The following GALNTL6 variants were observed in gnomAD, a reference collection of about 807,000 sequenced individuals.
The protein encoded by GALNTL6 is polypeptide N-acetylgalactosaminyltransferase like 6.
A neutral mutation model predicts 73.7 loss-of-function variants in GALNTL6; 46 were observed. The observed-to-expected ratio is 0.62, with a 90% CI of 0.49 to 0.80. GALNTL6 has a LOEUF of 0.80. GALNTL6 is among the 30% of genes least tolerant of loss of function. GALNTL6 has a pLI of 0.00. For missense variants in GALNTL6, 604 were observed against 755.0 expected, an observed-to-expected ratio of 0.80 and a Z score of 2.34; for synonymous variants, 259 against 263.7, an observed-to-expected ratio of 0.98 and a Z score of 0.17.
intron 5 of GALNTL6, among the ~76,000 whole-genome samples, chr4:172,549,055 G>C (rs745410563): frequency 1.3e-5 from 2 of 152,022 alleles, no homozygotes; most frequent in South Asian, 2.1e-4. Context: ...TTTTCCCTTT[G>C]AGATGTATAG....
rs538197284 is a variant in GALNTL6, at chr4:172,936,942, G to A, written c.1149+5674G>A. Among the ~76,000 whole-genome samples the A allele has an allele frequency of 2.6e-5, 4 of 152,238 alleles. No individual in the cohort carries two copies. The South Asian group carries it at 6.2e-4, about 24-fold the overall frequency. On this transcript the variant is annotated intron_variant, in intron 9 of 12. Transcript: ENST00000506823. ...TCTATGAACCGAGGTCTGTCTGGTC[G>A]AGGTTCATGCTCCTCACCATAATGT...
intron 2 of GALNTL6, among the ~76,000 whole-genome samples, chr4:171,933,926 A>T (rs1414189277): frequency 1.3e-5 from 2 of 152,132 alleles, no homozygotes; most frequent in Admixed American, 6.6e-5. Context: ...TTATTTATAG[A>T]CTATAGTTTT....
intron 5 of GALNTL6, among the ~76,000 whole-genome samples, chr4:172,715,545 C>T (rs1425431471): frequency 6.6e-6 from 1 of 152,198 alleles, no homozygotes; most frequent in Non-Finnish European, 1.5e-5. Context: ...ATTCTTATCA[C>T]TGCTAGTATT....
chr4:172,438,946 C>G (rs1360539640), intron 5 of GALNTL6, among the ~76,000 whole-genome samples: 1 of 152,050 alleles, frequency 6.6e-6, no homozygotes, highest in Non-Finnish European at 1.5e-5. Flanking sequence ...TACTTCTTTT[C>G]TATGCCTATG....
chr4:172,714,002 A>C (rs1734892033), intron 5 of GALNTL6, among the ~76,000 whole-genome samples: 1 of 152,106 alleles, frequency 6.6e-6, no homozygotes, highest in Non-Finnish European at 1.5e-5. Context: ...GGATCACTTG[A>C]GGTCAGGAGT....
chr4:172,646,761 G>C (rs1015615561), intron 5 of GALNTL6, among the ~76,000 whole-genome samples: 5 of 151,890 alleles, frequency 3.3e-5, no homozygotes, highest in African/African-American at 1.2e-4. Context: ...TTCAAGTAAA[G>C]CTGTGAAATA....
intron 4 of GALNTL6, among the ~76,000 whole-genome samples, chr4:172,333,567 T>C (rs1298280210): frequency 6.6e-6 from 1 of 152,228 alleles, no homozygotes; most frequent in African/African-American, 2.4e-5. Flanking sequence ...GCAAATAATT[T>C]CTCCCATTAA....
chr4:172,211,025 C>T (rs1225305895), intron 2 of GALNTL6, among the ~76,000 whole-genome samples: 3 of 152,094 alleles, frequency 2.0e-5, no homozygotes, highest in African/African-American at 7.2e-5. Flanking sequence ...TTTCAGTTGG[C>T]TCTTGTGTTT....
intron 5 of GALNTL6, among the ~76,000 whole-genome samples, chr4:172,627,622 T>G (rs1384934536): frequency 2.0e-5 from 3 of 151,930 alleles, no homozygotes; most frequent in African/African-American, 7.2e-5. Flanking sequence ...ATCCATCTGG[T>G]CAGGAGCTTT....
chr4:172,335,019 C>T (rs1322416105), intron 4 of GALNTL6, among the ~76,000 whole-genome samples: 3 of 147,978 alleles, frequency 2.0e-5, no homozygotes, highest in South Asian at 2.1e-4. Flanking sequence ...CTCGCTCTGT[C>T]GCCCAGGCTG....
chr4:172,288,198 C>T (rs28635775), intron 3 of GALNTL6, among the ~76,000 whole-genome samples: 36,500 of 151,414 alleles, frequency 0.24, 6,070 homozygotes, highest in African/African-American at 0.47. Flanking sequence ...TCAAGCCATT[C>T]TTCCGCCTCA....
chr4:172,171,774 G>A (rs951932202), intron 2 of GALNTL6, among the ~76,000 whole-genome samples: 3 of 152,062 alleles, frequency 2.0e-5, no homozygotes, highest in African/African-American at 7.2e-5. Flanking sequence ...GCAGTGAGCC[G>A]AGGTTACACC....
intron 5 of GALNTL6, among the ~76,000 whole-genome samples, chr4:172,354,684 T>C (rs1273918330): frequency 6.6e-6 from 1 of 152,154 alleles, no homozygotes; most frequent in African/African-American, 2.4e-5. Context: ...TCGTAAAAGA[T>C]GGATATTACC....
intron 5 of GALNTL6, among the ~76,000 whole-genome samples, chr4:172,393,618 G>A (rs1428084062): frequency 2.0e-5 from 3 of 152,176 alleles, no homozygotes; most frequent in East Asian, 1.9e-4. Context: ...CATAGCATAC[G>A]AAAATATTTT....
chr4:172,731,081 A>T (rs1455155177), intron 5 of GALNTL6, among the ~76,000 whole-genome samples: 1 of 59,586 alleles, frequency 1.7e-5, no homozygotes, highest in Non-Finnish European at 3.5e-5. Context: ...CTCCATCTCC[A>T]AAAAAAAAAA....
intron 2 of GALNTL6, among the ~76,000 whole-genome samples, chr4:172,134,345 A>G (rs1162186066): frequency 3.1e-4 from 47 of 151,526 alleles, no homozygotes; most frequent in East Asian, 1.9e-4. Flanking sequence ...AGATCACTCC[A>G]CTGCACTCCA....
chr4:172,978,804 A>C (rs1750946159), intron 10 of GALNTL6, among the ~76,000 whole-genome samples: 1 of 152,198 alleles, frequency 6.6e-6, no homozygotes, highest in African/African-American at 2.4e-5. Context: ...TAAACAGAAA[A>C]TGATCACTGT....
intron 5 of GALNTL6, among the ~76,000 whole-genome samples, chr4:172,414,521 T>A (rs1271040959): frequency 6.6e-6 from 1 of 152,192 alleles, no homozygotes; most frequent in Non-Finnish European, 1.5e-5. Flanking sequence ...ATTTGAATTT[T>A]CTATCGTATT....
At chr4:172,408,413 C>A (rs1277211167) in intron 5 of GALNTL6, among the ~76,000 whole-genome samples, 1 of 151,818 alleles carries the variant, frequency 6.6e-6, no homozygotes. Flanking sequence ...TAAGTCCCAA[C>A]CTATATTAGC....
Sources: allele counts gnomAD v4.1 joint callset (sites outside exome capture counted in the v4.1 genomes callset), GRCh38; gene constraint gnomAD v4.1.1; transcripts MANE v1.5; gene names NCBI Gene and HGNC (gene_info 2026-07-23, HGNC 2026-07-21).